KIAA1328: variants seen among roughly 807,000 people sequenced by gnomAD.
The protein encoded by KIAA1328 is protein hinderin.
Under a neutral mutation model 68.1 loss-of-function variants are expected in KIAA1328, and 52 were observed. The observed-to-expected ratio is 0.76, with a 90% confidence interval of 0.61 to 0.96. The LOEUF (loss-of-function observed/expected upper bound fraction) is 0.96, where lower values mean the gene tolerates loss of function less well. Among genes scored for constraint, KIAA1328 ranks in the 40% least tolerant of loss-of-function variants. KIAA1328 has a pLI of 0.00. For synonymous variants in KIAA1328, 232 were observed against 239.4 expected (o/e 0.97, Z 0.28); for missense variants, 641 against 677.6 (o/e 0.95, Z 0.60).
intron 5 of KIAA1328, among the ~76,000 whole-genome samples, chr18:36,935,605 A>T (rs1286554343): frequency 6.6e-6 from 1 of 152,008 alleles, no homozygotes; most frequent in East Asian, 1.9e-4. Flanking sequence ...TGTTGTTTTT[A>T]TGGGGGTGGG....
chr18:37,163,605 C>G (rs1395114873), intron 8 of KIAA1328, among the ~76,000 whole-genome samples: 3 of 152,052 alleles, frequency 2.0e-5, no homozygotes, highest in African/African-American at 7.2e-5. Flanking sequence ...AAAGAATAAT[C>G]TCAGAAGCTC....
intron 6 of KIAA1328, among the ~76,000 whole-genome samples, chr18:36,975,082 T>A (rs2052406442): frequency 6.6e-6 from 1 of 152,126 alleles, no homozygotes; most frequent in Non-Finnish European, 1.5e-5. Context: ...GAGGATTGGG[T>A]TATCCTTTGA....
chr18:36,848,377 T>A (rs76683683), intron 4 of KIAA1328, among the ~76,000 whole-genome samples: 1 of 151,376 alleles, frequency 6.6e-6, no homozygotes, highest in Non-Finnish European at 1.5e-5. Flanking sequence ...GATTGCTCAT[T>A]TGAAAAATAG....
At chr18:37,044,986 G>A (rs2055408720) in intron 6 of KIAA1328, among the ~76,000 whole-genome samples, 1 of 152,098 alleles carries the variant, frequency 6.6e-6, no homozygotes, top group Non-Finnish European at 1.5e-5. Flanking sequence ...TATCTTGTAA[G>A]TTATTGTCAA....
intron 4 of KIAA1328, among the ~76,000 whole-genome samples, chr18:36,846,324 C>T (rs904856474): frequency 6.6e-6 from 1 of 151,492 alleles, no homozygotes; most frequent in Admixed American, 6.6e-5. Context: ...CTATATATTT[C>T]CCCCTTGTCA....
chr18:36,995,763 C>A (rs141413713), intron 6 of KIAA1328, among the ~76,000 whole-genome samples: 1 of 152,314 alleles, frequency 6.6e-6, no homozygotes, highest in East Asian at 1.9e-4. Context: ...TGGAAAAACT[C>A]TAGATAAATA....
At chr18:36,909,758 A>G (rs1021160727) in intron 5 of KIAA1328, among the ~76,000 whole-genome samples, 1 of 152,180 alleles carries the variant, frequency 6.6e-6, no homozygotes, top group Non-Finnish European at 1.5e-5. Context: ...CCAACAGTGT[A>G]AAAGTGTTCC....
chr18:37,228,959 C>G (rs2060652795), downstream of KIAA1328, among the ~76,000 whole-genome samples: 1 of 152,208 alleles, frequency 6.6e-6, no homozygotes, highest in Non-Finnish European at 1.5e-5. Flanking sequence ...CAGCACACTA[C>G]AGTGGACTAC....
At chr18:36,858,558 T>A (rs892244515) in intron 4 of KIAA1328, among the ~76,000 whole-genome samples, 1 of 152,186 alleles carries the variant, frequency 6.6e-6, no homozygotes, top group African/African-American at 2.4e-5. Flanking sequence ...TTTTCCTGGT[T>A]TTTAACCCTT....
At chr18:36,897,769 TGAGCTTAA>T (rs796337780) in intron 5 of KIAA1328, among the ~76,000 whole-genome samples, 10 of 152,206 alleles carry the variant, frequency 6.6e-5, no homozygotes, top group African/African-American at 2.4e-4. Context: ...AATATGATAG[TGAGCTTAA>T]TCATTTAGAG....
At chr18:37,165,056 G>A (rs766783526) in intron 8 of KIAA1328, among the ~76,000 whole-genome samples, 12 of 151,992 alleles carry the variant, frequency 7.9e-5, no homozygotes, top group South Asian at 2.1e-4. Flanking sequence ...TCTTCTGTGC[G>A]TGCATCCCAG....
chr18:37,014,890 T>C (rs2054098187), intron 6 of KIAA1328, among the ~76,000 whole-genome samples: 2 of 152,274 alleles, frequency 1.3e-5, no homozygotes, highest in African/African-American at 2.4e-5. Flanking sequence ...AATATCCATC[T>C]TGAGTTTATA....
chr18:37,188,072 A>G (rs1434661206), intron 9 of KIAA1328, among the ~76,000 whole-genome samples: 1 of 152,220 alleles, frequency 6.6e-6, no homozygotes, highest in Non-Finnish European at 1.5e-5. Context: ...CTCAAGAGCA[A>G]TTGGCGTTGA....
chr18:37,018,280 G>A (rs1224826619), intron 6 of KIAA1328, among the ~76,000 whole-genome samples: 1 of 152,110 alleles, frequency 6.6e-6, no homozygotes, highest in Non-Finnish European at 1.5e-5. Flanking sequence ...TAAGAATGCT[G>A]AAAATAGGCT....
intron 6 of KIAA1328, among the ~76,000 whole-genome samples, chr18:37,040,658 A>G (rs172822): frequency 0.73 from 110,738 of 151,222 alleles, 43,669 homozygotes; most frequent in South Asian, 0.88. Flanking sequence ...TTATTGACTT[A>G]AATCTTTTTT....
In KIAA1328 at chr18:36,959,467, T is replaced by G. The variant is rs772735966; in HGVS notation, c.576+32T>G. 5 of 1,591,762 alleles carry G rather than the reference T, an allele frequency of 3.1e-6. No individual in the cohort carries two copies. The South Asian group carries it at 5.8e-5, about 18-fold the overall frequency. On this transcript the variant is annotated intron_variant, in intron 6 of 9. Transcript: ENST00000280020. ...ATCTTTAATTTTACTTTTCTTGTCT[T>G]CAGTGGATCAGCAAGATGTCAGAAG...
Position 37,222,515 on chromosome 18 carries a change from T to G in KIAA1328, c.*288T>G. The G allele has an allele frequency of 8.3e-7, 1 of 1,199,750 alleles. No homozygotes were observed. Among genetic ancestry groups the G allele is most frequent in the Non-Finnish European group, 1.0e-6 (1 of 960,750 alleles). The allele number at this position is 1,199,750 out of a possible 1,614,324, so 74.3% of individuals were successfully genotyped here. ...ATACTTTCTGCGTGGTGGAAACCAT[T>G]GCATATTCAGCCTCATTTCAAGAGT... On this transcript the variant is annotated 3_prime_UTR_variant, in exon 10 of 10. Transcript: ENST00000280020.
intron 7 of KIAA1328, among the ~76,000 whole-genome samples, chr18:37,156,407 C>A (rs1176989730): frequency 1.1e-5 from 1 of 92,898 alleles, no homozygotes; most frequent in East Asian, 3.6e-4. Context: ...GCCTAGGTGA[C>A]AAGAGAGAAA....
chr18:37,223,610 C>T lies in KIAA1328; in HGVS notation c.*1383C>T. The T allele has an allele frequency of 8.1e-6, 8 of 985,306 alleles. No homozygotes were observed. Among genetic ancestry groups the T allele is most frequent in the Non-Finnish European group, 9.6e-6 (8 of 829,912 alleles). The allele number at this position is 985,306 out of a possible 1,614,324, so 61.0% of individuals were successfully genotyped here. A position where few individuals can be genotyped will look rare whatever the true frequency, so the allele number is the denominator to read the frequency against. On this transcript the variant is annotated 3_prime_UTR_variant, in exon 10 of 10. Coordinates refer to ENST00000280020, the MANE Select transcript of KIAA1328 (RefSeq NM_020776.3). ...AACCCCAACTAAACTGGGAGTAAGA[C>T]TTAGTCAGTGTTGGTAGACAAAGTC...
Sources: gnomAD v4.1 joint callset for allele counts (sites outside exome capture counted in the v4.1 genomes callset) on GRCh38, gnomAD v4.1.1 for gene constraint, MANE v1.5 for transcripts, NCBI Gene and HGNC (gene_info 2026-07-23, HGNC 2026-07-21) for gene names.